Variants in SRBD1 observed in about 807,000 individuals in gnomAD.
The protein encoded by SRBD1 is S1 RNA-binding domain-containing protein 1.
Under a neutral mutation model 115.3 loss-of-function variants are expected in SRBD1, and 88 were observed. That is an observed-to-expected ratio of 0.76 (90% CI 0.64 to 0.91). The LOEUF (loss-of-function observed/expected upper bound fraction) is 0.91, where lower values mean the gene tolerates loss of function less well. Among genes scored for constraint, SRBD1 ranks in the 40% least tolerant of loss-of-function variants. The pLI is 0.00. For missense variants in SRBD1, 1,385 were observed against 1,177.4 expected, an observed-to-expected ratio of 1.18 and a Z score of -2.58; for synonymous variants, 509 against 407.7, an observed-to-expected ratio of 1.25 and a Z score of -2.99.
intron 10 of SRBD1, among the ~76,000 whole-genome samples, chr2:45,558,217 C>T (rs1419286857): frequency 6.6e-6 from 1 of 152,124 alleles, no homozygotes; most frequent in Admixed American, 6.5e-5. Context: ...GCAGTCCCAG[C>T]TAATTTGAAG....
intron 14 of SRBD1, among the ~76,000 whole-genome samples, chr2:45,507,514 G>C (rs1317547649): frequency 6.6e-6 from 1 of 151,826 alleles, no homozygotes; most frequent in Non-Finnish European, 1.5e-5. Flanking sequence ...GAGGTCCGGA[G>C]TTCAAGACCA....
chr2:45,523,711 C>T (rs1028400564), intron 14 of SRBD1, among the ~76,000 whole-genome samples: 2 of 151,140 alleles, frequency 1.3e-5, no homozygotes, highest in African/African-American at 4.9e-5. Context: ...AAAAAATACC[C>T]ACAATCCAGG....
intron 12 of SRBD1, 123 bp downstream of exon 12, chr2:45,551,002 T>C: frequency 2.6e-6 from 3 of 1,157,094 alleles, no homozygotes; most frequent in South Asian, 1.7e-5. Flanking sequence ...CACCCCTGTA[T>C]GTGAGAAAAC....
At chr2:45,553,874 G>A (rs1251988308) in intron 10 of SRBD1, 144 bp from the exon 11 acceptor site, 2 of 447,540 alleles carry the variant, frequency 4.5e-6, no homozygotes, top group African/African-American at 4.0e-5. Flanking sequence ...AGGAAAGGCT[G>A]TGGTATCTGA....
chr2:45,413,874 G>C (rs1269849948), intron 18 of SRBD1, among the ~76,000 whole-genome samples: 1 of 152,152 alleles, frequency 6.6e-6, no homozygotes, highest in Non-Finnish European at 1.5e-5. Flanking sequence ...GGCGGTTGCA[G>C]TGAGCTGAGA....
At chr2:45,549,754 T>G (rs1002944647) in intron 12 of SRBD1, among the ~76,000 whole-genome samples, 1 of 145,572 alleles carries the variant, frequency 6.9e-6, no homozygotes, top group Non-Finnish European at 1.5e-5. Flanking sequence ...TCCCAGCTAC[T>G]CGGGAGGCTG....
chr2:45,396,929 G>A (rs1667161398), intron 19 of SRBD1, among the ~76,000 whole-genome samples: 1 of 151,904 alleles, frequency 6.6e-6, no homozygotes, highest in South Asian at 2.1e-4. Flanking sequence ...GTGCTTTGTG[G>A]GCAAAACATA....
intron 14 of SRBD1, among the ~76,000 whole-genome samples, chr2:45,505,265 C>T (rs150196285): frequency 7.9e-5 from 12 of 152,264 alleles, no homozygotes; most frequent in Non-Finnish European, 1.3e-4. Context: ...CTTAGCCTCA[C>T]ATGTGGAGCA....
At chr2:45,518,568 TG>T (rs1273166879) in intron 14 of SRBD1, among the ~76,000 whole-genome samples, 1 of 152,172 alleles carries the variant, frequency 6.6e-6, no homozygotes, top group Non-Finnish European at 1.5e-5. Flanking sequence ...CCTTGTTACA[TG>T]GAAACCATGA....
intron 10 of SRBD1, among the ~76,000 whole-genome samples, chr2:45,555,286 G>A (rs1040901515): frequency 1.3e-5 from 2 of 152,156 alleles, no homozygotes; most frequent in Non-Finnish European, 2.9e-5. Context: ...TTAGAAGGCT[G>A]AAGCAGGAGG....
At chr2:45,436,630 T>G (rs1668507894) in intron 16 of SRBD1, among the ~76,000 whole-genome samples, 2 of 152,142 alleles carry the variant, frequency 1.3e-5, no homozygotes, top group African/African-American at 4.8e-5. Flanking sequence ...TGTGTCTAAG[T>G]GCAGGAAAAA....
intron 16 of SRBD1, among the ~76,000 whole-genome samples, chr2:45,441,666 G>T (rs1215811080): frequency 6.6e-6 from 1 of 152,184 alleles, no homozygotes; most frequent in Non-Finnish European, 1.5e-5. Context: ...TCGGCTTTTG[G>T]ATTCTTCTTG....
chr2:45,512,966 A>G (rs551634690), intron 14 of SRBD1, among the ~76,000 whole-genome samples: 1 of 152,312 alleles, frequency 6.6e-6, no homozygotes, highest in Admixed American at 6.5e-5. Flanking sequence ...GGACCAAGCA[A>G]GCACACAATA....
chr2:45,485,391 CTTTTATCTTAGTAGG>C (rs1670086996), intron 15 of SRBD1, among the ~76,000 whole-genome samples: 2 of 152,270 alleles, frequency 1.3e-5, no homozygotes, highest in South Asian at 2.1e-4. Flanking sequence ...TTTCCCATTC[CTTTTATCTTAGTAGG>C]TTTTATCTTA....
At chr2:45,597,873 G>A (rs1311153381) in intron 4 of SRBD1, among the ~76,000 whole-genome samples, 1 of 152,324 alleles carries the variant, frequency 6.6e-6, no homozygotes, top group South Asian at 2.1e-4. Flanking sequence ...CATAGAATAA[G>A]TAGCTCTTTA....
At chr2:45,605,802 G>A (rs1364791005) in intron 1 of SRBD1, among the ~76,000 whole-genome samples, 1 of 151,808 alleles carries the variant, frequency 6.6e-6, no homozygotes, top group African/African-American at 2.4e-5. Context: ...TACTGGGGAG[G>A]CTGAGGCAGA....
At chr2:45,430,043 A>G (rs972237945) in intron 16 of SRBD1, among the ~76,000 whole-genome samples, 29 of 152,184 alleles carry the variant, frequency 1.9e-4, no homozygotes, top group African/African-American at 6.8e-4. Context: ...CACAATTGCT[A>G]CAAAGAGATT....
intron 16 of SRBD1, among the ~76,000 whole-genome samples, chr2:45,422,129 C>T (rs1572623313): frequency 1.3e-5 from 2 of 152,084 alleles, no homozygotes; most frequent in Middle Eastern, 6.8e-3. Context: ...TACAAACAAA[C>T]CGGAAAAAGG....
chr2:45,509,896 A>G (rs1670915206), intron 14 of SRBD1, among the ~76,000 whole-genome samples: 2 of 151,946 alleles, frequency 1.3e-5, no homozygotes, highest in South Asian at 4.2e-4. Flanking sequence ...CACCATGTCC[A>G]TCTAATTTTT....
Sources: allele counts gnomAD v4.1 joint callset (sites outside exome capture counted in the v4.1 genomes callset), GRCh38; gene constraint gnomAD v4.1.1; transcripts MANE v1.5; gene names NCBI Gene and HGNC (gene_info 2026-07-23, HGNC 2026-07-21).